Variants in SNTG1 observed in about 807,000 individuals in gnomAD.
SNTG1 encodes the protein gamma-1-syntrophin.
SNTG1 carries 39 observed loss-of-function variants against 74.7 expected under a neutral mutation model. That is an observed-to-expected ratio of 0.52 (90% CI 0.40 to 0.68). The LOEUF is 0.68. Ranked by LOEUF, SNTG1 falls within the 30% of genes least tolerant of loss-of-function variation. SNTG1 has a pLI of 0.00. For synonymous variants in SNTG1, 254 were observed against 217.1 expected (o/e 1.17, Z -1.49); for missense variants, 685 against 609.5 (o/e 1.12, Z -1.30).
rs563793531 is a variant in SNTG1 at position 50,349,572 on chromosome 8, CT to C, written c.-27-44632del. ...TTGCTAGCTGCACCTCTATGTTATTCTTTTTTTTACATATTTACATTGTCTT... is the reference window on the plus strand; with the variant it reads ...TTGCTAGCTGCACCTCTATGTTATTCTTTTTTTACATATTTACATTGTCTT... On this transcript the variant is annotated intron_variant, in intron 2 of 18. Transcript: ENST00000642720. 7.2e-5 allele frequency among the ~76,000 whole-genome samples: 11 copies of C among 151,756 alleles called. 1 individual carries two copies. The South Asian group carries it at 2.1e-3, about 29-fold the overall frequency.
chr8:50,700,291 G>A (rs78099381), intron 15 of SNTG1, among the ~76,000 whole-genome samples: 380 of 152,198 alleles, frequency 2.5e-3, no homozygotes, highest in African/African-American at 7.5e-3. Flanking sequence ...GACTGCAACC[G>A]TAAAGGAACA....
At chr8:50,411,538 A>G (rs2092949263) in intron 4 of SNTG1, among the ~76,000 whole-genome samples, 1 of 152,140 alleles carries the variant, frequency 6.6e-6, no homozygotes, top group Admixed American at 6.5e-5. Flanking sequence ...GTAGAAAAAT[A>G]CTTGCAGATG....
chr8:49,938,288 A>G (rs1233305576), intron 1 of SNTG1, among the ~76,000 whole-genome samples: 1 of 152,250 alleles, frequency 6.6e-6, no homozygotes, highest in Non-Finnish European at 1.5e-5. Flanking sequence ...TAACAGGATC[A>G]GCTCAGTGTG....
chr8:50,180,779 T>A (rs1432958835), intron 2 of SNTG1, among the ~76,000 whole-genome samples: 6 of 99,514 alleles, frequency 6.0e-5, no homozygotes, highest in Non-Finnish European at 1.0e-4. Flanking sequence ...TTTTTTTTTT[T>A]AACAAAGTTT....
chr8:50,543,770 C>G (rs1339582967), intron 11 of SNTG1, among the ~76,000 whole-genome samples: 3 of 151,552 alleles, frequency 2.0e-5, no homozygotes, highest in Non-Finnish European at 4.4e-5. Context: ...AACCAAATTG[C>G]TCTCTAGAGT....
At chr8:50,207,587 G>T (rs559715597) in intron 2 of SNTG1, among the ~76,000 whole-genome samples, 3 of 152,032 alleles carry the variant, frequency 2.0e-5, no homozygotes, top group Admixed American at 2.0e-4. Flanking sequence ...TCTGATCTTA[G>T]TTATTTCTTG....
At chr8:50,498,413 A>T (rs1371995005) in intron 8 of SNTG1, among the ~76,000 whole-genome samples, 1 of 151,890 alleles carries the variant, frequency 6.6e-6, no homozygotes, top group Admixed American at 6.6e-5. Flanking sequence ...GTTCAAGGAT[A>T]TACCTGCCTA....
At chr8:50,293,673 G>C (rs921206548) in intron 2 of SNTG1, among the ~76,000 whole-genome samples, 2 of 152,032 alleles carry the variant, frequency 1.3e-5, no homozygotes, top group Non-Finnish European at 2.9e-5. Flanking sequence ...GCCTCCCAAA[G>C]TGCTGGGATT....
intron 10 of SNTG1, 51 bp from the exon 11 acceptor site, chr8:50,536,627 A>G: frequency 6.3e-7 from 1 of 1,590,480 alleles, no homozygotes; most frequent in Non-Finnish European, 8.6e-7. Flanking sequence ...AGATACAGAA[A>G]CTCAAAGCAC....
intron 18 of SNTG1, among the ~76,000 whole-genome samples, chr8:50,779,875 C>G (rs1424253921): frequency 6.6e-6 from 1 of 151,192 alleles, no homozygotes; most frequent in African/African-American, 2.4e-5. Context: ...GAGATATGTC[C>G]CATCAATACC....
chr8:50,375,925 A>G (rs1268022622), intron 2 of SNTG1, among the ~76,000 whole-genome samples: 1 of 152,186 alleles, frequency 6.6e-6, no homozygotes, highest in Non-Finnish European at 1.5e-5. Context: ...AGTGACAAGA[A>G]AAAGGAAAAG....
intron 1 of SNTG1, among the ~76,000 whole-genome samples, chr8:50,010,629 T>C (rs1815688543): frequency 6.6e-6 from 1 of 152,026 alleles, no homozygotes; most frequent in African/African-American, 2.4e-5. Flanking sequence ...ACCAATGCAG[T>C]TATCTTAAAT....
chr8:50,586,934 G>A (rs534233749), intron 12 of SNTG1, among the ~76,000 whole-genome samples: 16 of 151,918 alleles, frequency 1.1e-4, no homozygotes, highest in African/African-American at 3.9e-4. Flanking sequence ...ATACAAAGCA[G>A]CAAAGGAAGC....
intron 2 of SNTG1, among the ~76,000 whole-genome samples, chr8:50,350,421 T>C (rs956366471): frequency 2.0e-5 from 3 of 152,152 alleles, no homozygotes; most frequent in African/African-American, 7.2e-5. Context: ...TATGTCTAGC[T>C]AAGGGATTGT....
chr8:50,650,686 TATTTC>T (rs1468932873), intron 13 of SNTG1, among the ~76,000 whole-genome samples: 1 of 152,116 alleles, frequency 6.6e-6, no homozygotes. Flanking sequence ...AGAATTAATA[TATTTC>T]ATTTCATTTA....
At chr8:49,984,025 T>C (rs1166211464) in intron 1 of SNTG1, among the ~76,000 whole-genome samples, 1 of 152,200 alleles carries the variant, frequency 6.6e-6, no homozygotes, top group Non-Finnish European at 1.5e-5. Flanking sequence ...CTATCCATTA[T>C]ACTAGTTTTC....
At chr8:50,453,300 A>G (rs1233680947) in intron 8 of SNTG1, among the ~76,000 whole-genome samples, 1 of 152,174 alleles carries the variant, frequency 6.6e-6, no homozygotes, top group Admixed American at 6.5e-5. Context: ...AATGCCTAGA[A>G]TTAGATCATG....
At chr8:50,300,136 G>T (rs2089582922) in intron 2 of SNTG1, among the ~76,000 whole-genome samples, 1 of 152,082 alleles carries the variant, frequency 6.6e-6, no homozygotes. Context: ...GCCCAAGTTT[G>T]CTCAGTTAGT....
intron 4 of SNTG1, among the ~76,000 whole-genome samples, chr8:50,432,400 A>G (rs1003274020): frequency 1.3e-5 from 2 of 151,568 alleles, no homozygotes; most frequent in Non-Finnish European, 2.9e-5. Context: ...CAAAAATGCC[A>G]TGTTGTGTTG....
Sources: gnomAD v4.1 joint callset for allele counts (sites outside exome capture counted in the v4.1 genomes callset) on GRCh38, gnomAD v4.1.1 for gene constraint, MANE v1.5 for transcripts, NCBI Gene and HGNC (gene_info 2026-07-23, HGNC 2026-07-21) for gene names.